Variants in PSD3 observed in about 807,000 individuals in gnomAD.
PSD3 encodes the protein pleckstrin and Sec7 domain containing 3.
PSD3 carries 49 observed loss-of-function variants against 105.5 expected under a neutral mutation model. The ratio of observed to expected loss-of-function variants is 0.46; its 90% CI spans 0.37 to 0.59. The LOEUF is 0.59. PSD3 is among the 20% of genes least tolerant of loss of function. PSD3 has a pLI of 0.00. For synonymous variants in PSD3, 557 were observed against 457.8 expected (o/e 1.22, Z -2.77); for missense variants, 1,561 against 1,263.8 (o/e 1.24, Z -3.57).
chr8:18,585,885 G>C (rs1286948578), intron 12 of PSD3, among the ~76,000 whole-genome samples: 1 of 152,128 alleles, frequency 6.6e-6, no homozygotes, highest in African/African-American at 2.4e-5. Context: ...CAGACTTGGA[G>C]TTTGACAAGG....
At chr8:19,046,923 A>C (rs1191441645) in intron 1 of PSD3, among the ~76,000 whole-genome samples, 1 of 152,240 alleles carries the variant, frequency 6.6e-6, no homozygotes, top group Non-Finnish European at 1.5e-5. Context: ...TCAGGTGAAC[A>C]CTTGTCTCTC....
chr8:18,960,153 G>A (rs1009668061), intron 1 of PSD3, among the ~76,000 whole-genome samples: 1 of 152,158 alleles, frequency 6.6e-6, no homozygotes, highest in Non-Finnish European at 1.5e-5. Flanking sequence ...AAGAAAAACC[G>A]AGTCCCTGTC....
Position 18,945,914 on chromosome 8 carries a change from C to A in PSD3, c.22-9772G>T, listed in dbSNP as rs143008833. The stretch of plus-strand genomic sequence containing the variant: ...GCTTGAACCCGGGAAGTGGAGGCTG[C>A]CGTGAGCCGAGATCGCGCCATGCAC... On this transcript the variant is annotated intron_variant, in intron 1 of 15. Transcript: ENST00000327040. Among the ~76,000 whole-genome samples, 43 of 152,330 alleles carry A rather than the reference C, an allele frequency of 2.8e-4. 1 individual carries two copies. The highest frequency in any genetic ancestry group is 6.8e-3 in the Middle Eastern group (2 of 294).
intron 8 of PSD3, among the ~76,000 whole-genome samples, chr8:18,784,157 T>A (rs1368829462): frequency 6.6e-6 from 1 of 152,172 alleles, no homozygotes; most frequent in Non-Finnish European, 1.5e-5. Flanking sequence ...TCTCCTGTCA[T>A]CAGGTATCTG....
intron 12 of PSD3, among the ~76,000 whole-genome samples, chr8:18,594,186 T>A (rs1234325942): frequency 3.5e-5 from 1 of 28,692 alleles, no homozygotes; most frequent in African/African-American, 9.4e-5. Context: ...TAATATATAT[T>A]ATTATATACA....
At chr8:18,751,912 C>T (rs1287246539) in intron 9 of PSD3, among the ~76,000 whole-genome samples, 1 of 148,376 alleles carries the variant, frequency 6.7e-6, no homozygotes, top group African/African-American at 2.6e-5. Flanking sequence ...CGGTGGCTCA[C>T]GCCTGGAATC....
intron 9 of PSD3, among the ~76,000 whole-genome samples, chr8:18,757,866 G>A (rs1427596636): frequency 6.6e-6 from 1 of 152,144 alleles, no homozygotes; most frequent in Non-Finnish European, 1.5e-5. Context: ...TTTCTGAACT[G>A]TTGGTCATTA....
At chr8:18,892,633 T>A (rs955204929) in intron 2 of PSD3, among the ~76,000 whole-genome samples, 2 of 151,132 alleles carry the variant, frequency 1.3e-5, no homozygotes, top group Non-Finnish European at 3.0e-5. Context: ...TTTCTTTTTT[T>A]TTTTTTTTTG....
intron 2 of PSD3, among the ~76,000 whole-genome samples, chr8:18,894,164 T>C (rs1441399762): frequency 6.6e-6 from 1 of 152,234 alleles, no homozygotes; most frequent in Non-Finnish European, 1.5e-5. Flanking sequence ...GGGCCAGTAA[T>C]TCTGCCTTTC....
intron 3 of PSD3, among the ~76,000 whole-genome samples, chr8:18,868,927 G>A (rs901571855): frequency 2.6e-5 from 4 of 152,250 alleles, no homozygotes; most frequent in South Asian, 4.1e-4. Context: ...TAACCTCTCT[G>A]AGCCTCAGAT....
intron 4 of PSD3, among the ~76,000 whole-genome samples, chr8:18,845,196 C>G (rs529750740): frequency 3.1e-3 from 468 of 152,200 alleles, no homozygotes; most frequent in African/African-American, 0.011. Context: ...TCTGTTACTC[C>G]AAGAAGCTGG....
Position 18,949,396 on chromosome 8 carries a change from A to T in PSD3, c.22-13254T>A, listed in dbSNP as rs541861583. Among the ~76,000 whole-genome samples the T allele has an allele frequency of 1.3e-4, 20 of 150,354 alleles. No individual in the cohort carries two copies. In the East Asian group the frequency reaches 3.9e-3, roughly 29 times the overall value. ...CAACCTACATGCATGCAGAAAAAAA[A>T]TAATCTCCTAGGCAAATATAAACAT... On this transcript the variant is annotated intron_variant, in intron 1 of 15. Coordinates refer to ENST00000327040, the MANE Select transcript of PSD3 (RefSeq NM_015310.4).
chr8:19,028,166 C>T (rs558301952), intron 1 of PSD3, among the ~76,000 whole-genome samples: 1 of 152,074 alleles, frequency 6.6e-6, no homozygotes, highest in East Asian at 1.9e-4. Context: ...GTTTCTCTGG[C>T]ATATCTTCAT....
At chr8:18,911,747 G>A (rs962988471) in intron 2 of PSD3, among the ~76,000 whole-genome samples, 4 of 151,864 alleles carry the variant, frequency 2.6e-5, no homozygotes, top group African/African-American at 9.7e-5. Flanking sequence ...TATAGACATA[G>A]ATATATAAAT....
At chr8:18,562,867 C>T (rs985995727) in intron 14 of PSD3, among the ~76,000 whole-genome samples, 4 of 151,434 alleles carry the variant, frequency 2.6e-5, no homozygotes, top group East Asian at 1.9e-4. Context: ...CCAGCCTGGG[C>T]GACAGAGTGA....
chr8:18,937,828 T>C (rs1009311502), intron 1 of PSD3, among the ~76,000 whole-genome samples: 2 of 152,092 alleles, frequency 1.3e-5, no homozygotes, highest in Non-Finnish European at 2.9e-5. Flanking sequence ...GGCAGGTGGT[T>C]AGGGAAAGCT....
chr8:18,593,053 A>T (rs1585327530), intron 12 of PSD3, among the ~76,000 whole-genome samples: 2 of 152,372 alleles, frequency 1.3e-5, no homozygotes, highest in East Asian at 3.9e-4. Context: ...CATTCAGGAC[A>T]TAGGCACGGG....
chr8:18,556,938 T>C (rs915853928), intron 14 of PSD3, among the ~76,000 whole-genome samples: 2 of 152,224 alleles, frequency 1.3e-5, no homozygotes, highest in Admixed American at 6.5e-5. Flanking sequence ...TTCAACTTGA[T>C]TGGCCCAAAG....
intron 11 of PSD3, among the ~76,000 whole-genome samples, chr8:18,607,666 A>G (rs1804942926): frequency 6.9e-6 from 1 of 144,182 alleles, no homozygotes; most frequent in Non-Finnish European, 1.5e-5. Flanking sequence ...CCAGCATATA[A>G]CAAGACTCCA....
Sources: gnomAD v4.1 joint callset for allele counts (sites outside exome capture counted in the v4.1 genomes callset) on GRCh38, gnomAD v4.1.1 for gene constraint, MANE v1.5 for transcripts, NCBI Gene and HGNC (gene_info 2026-07-23, HGNC 2026-07-21) for gene names.